The following HSPBAP1 variants were observed in gnomAD, a reference collection of about 807,000 sequenced individuals.
HSPBAP1 encodes HSPB1-associated protein 1.
Under a neutral mutation model 45.2 loss-of-function variants are expected in HSPBAP1, and 27 were observed. That is an observed-to-expected ratio of 0.60 (90% CI 0.44 to 0.82). The LOEUF (loss-of-function observed/expected upper bound fraction) is 0.82. Ranked by LOEUF, HSPBAP1 falls within the 40% of genes least tolerant of loss-of-function variation. HSPBAP1 has a pLI of 0.00. For missense variants in HSPBAP1, 510 were observed against 590.9 expected, an observed-to-expected ratio of 0.86 and a Z score of 1.42; for synonymous variants, 204 against 202.7, an observed-to-expected ratio of 1.01 and a Z score of -0.06.
chr3:122,793,367 C>T (rs1260713672), intron 1 of HSPBAP1, among the ~76,000 whole-genome samples: 1 of 152,144 alleles, frequency 6.6e-6, no homozygotes, highest in Admixed American at 6.5e-5. Context: ...AAATATAAAA[C>T]AAAACAAAAC....
chr3:122,770,723 A>C (rs1283701241), intron 2 of HSPBAP1, among the ~76,000 whole-genome samples: 1 of 152,114 alleles, frequency 6.6e-6, no homozygotes, highest in African/African-American at 2.4e-5. Context: ...AACAAAAAAC[A>C]ACCAAAAAAT....
chr3:122,781,102 C>T (rs550772986), intron 1 of HSPBAP1, among the ~76,000 whole-genome samples: 2,725 of 151,112 alleles, frequency 0.018, 28 homozygotes, highest in Middle Eastern at 0.086. Context: ...CTCCTCACAT[C>T]CCAGACGATG....
At chr3:122,788,588 C>T (rs998167119) in intron 1 of HSPBAP1, among the ~76,000 whole-genome samples, 1 of 152,162 alleles carries the variant, frequency 6.6e-6, no homozygotes, top group East Asian at 1.9e-4. Flanking sequence ...AATGCTTACA[C>T]GTGCAATGGA....
intron 5 of HSPBAP1, chr3:122,752,894 A>G (rs1213694502): frequency 1.6e-6 from 2 of 1,289,724 alleles, no homozygotes; most frequent in Admixed American, 3.8e-5. Flanking sequence ...GGATACTGCC[A>G]GCATCTCTAT....
At chr3:122,790,254 T>C (rs1935783367) in intron 1 of HSPBAP1, among the ~76,000 whole-genome samples, 1 of 152,180 alleles carries the variant, frequency 6.6e-6, no homozygotes, top group Non-Finnish European at 1.5e-5. Flanking sequence ...AAACCCATGA[T>C]TTCCCTCTTC....
intron 6 of HSPBAP1, among the ~76,000 whole-genome samples, chr3:122,752,271 C>A (rs1008264728): frequency 3.3e-5 from 5 of 152,106 alleles, no homozygotes; most frequent in Admixed American, 2.0e-4. Context: ...CAACAAGGGA[C>A]ACATATCGGC....
chr3:122,766,972 T>C (rs1028615992), intron 3 of HSPBAP1, among the ~76,000 whole-genome samples: 1 of 152,222 alleles, frequency 6.6e-6, no homozygotes, highest in Non-Finnish European at 1.5e-5. Context: ...AGTAAAGTAC[T>C]AGTCTAATTT....
intron 2 of HSPBAP1, among the ~76,000 whole-genome samples, chr3:122,775,803 C>CA (rs1185627592): frequency 2.0e-5 from 3 of 152,100 alleles, no homozygotes; most frequent in Non-Finnish European, 4.4e-5. Context: ...CATGTCCACA[C>CA]AAAAACATGT....
At chr3:122,776,025 T>C (rs1347794421) in intron 2 of HSPBAP1, among the ~76,000 whole-genome samples, 1 of 152,204 alleles carries the variant, frequency 6.6e-6, no homozygotes, top group Admixed American at 6.5e-5. Context: ...GGGCCAATAG[T>C]GAATGATTCC....
intron 3 of HSPBAP1, among the ~76,000 whole-genome samples, chr3:122,767,282 T>TA (rs1934816346): frequency 6.6e-6 from 1 of 152,240 alleles, no homozygotes. Flanking sequence ...CTCACGCCTG[T>TA]AATCCCAGCA....
chr3:122,741,001 A>G lies in HSPBAP1; in HGVS notation c.936+2T>C, dbSNP rs775033198. Reference sequence around the variant, plus strand: ...CCATGATGAAGACCAGAAGCCGCCTACCTCAGTGGGGTTTAACCAGGCTCT... The same window carrying G: ...CCATGATGAAGACCAGAAGCCGCCTGCCTCAGTGGGGTTTAACCAGGCTCT... On this transcript the variant is annotated splice_donor_variant, in intron 7 of 7. Transcript: ENST00000306103. LOFTEE classifies it high-confidence loss of function. 6 of 1,613,138 alleles carry G rather than the reference A, an allele frequency of 3.7e-6. No homozygotes were observed. The Admixed American group carries it at 5.0e-5, about 13-fold the overall frequency.
chr3:122,749,898 C>T (rs1934064657), intron 6 of HSPBAP1, among the ~76,000 whole-genome samples: 1 of 151,900 alleles, frequency 6.6e-6, no homozygotes, highest in Non-Finnish European at 1.5e-5. Flanking sequence ...GTGTGAGCCA[C>T]TGCACCCGGC....
intron 2 of HSPBAP1, among the ~76,000 whole-genome samples, chr3:122,770,700 CAAAAA>C (rs1026099879): frequency 2.0e-5 from 3 of 151,440 alleles, no homozygotes; most frequent in Non-Finnish European, 2.9e-5. Flanking sequence ...GATCCTGTCT[CAAAAA>C]AACAAAAAAC....
At chr3:122,779,523 T>TATTTA (rs1553756437) in intron 1 of HSPBAP1, among the ~76,000 whole-genome samples, 9 of 135,592 alleles carry the variant, frequency 6.6e-5, no homozygotes, top group Non-Finnish European at 8.4e-5. Context: ...TTTATTTATT[T>TATTTA]TTTATTGATC....
chr3:122,740,306 T>C lies in HSPBAP1; in HGVS notation c.*39A>G, dbSNP rs1933611512. The C allele has an allele frequency of 1.5e-6, 2 of 1,304,386 alleles. No individual in the cohort carries two copies. The highest frequency in any genetic ancestry group is 2.0e-6 in the Non-Finnish European group (2 of 975,646). The allele number at this position is 1,304,386 out of a possible 1,614,324, so 80.8% of individuals were successfully genotyped here. A position where few individuals can be genotyped will look rare whatever the true frequency, so the allele number is the denominator to read the frequency against. Reference sequence around the variant, plus strand: ...TAGTCATACTACTTAAAAATATATATTTAAAAAATATTATTTTAAAAGTCA... The same window carrying C: ...TAGTCATACTACTTAAAAATATATACTTAAAAAATATTATTTTAAAAGTCA... On this transcript the variant is annotated 3_prime_UTR_variant, in exon 8 of 8. Coordinates refer to ENST00000306103, the MANE Select transcript of HSPBAP1 (RefSeq NM_024610.6).
At chr3:122,760,653 G>A (rs1017209741) in intron 3 of HSPBAP1, among the ~76,000 whole-genome samples, 10 of 151,956 alleles carry the variant, frequency 6.6e-5, no homozygotes, top group African/African-American at 2.4e-4. Context: ...CACTGTAAAT[G>A]CACATGGCTC....
intron 1 of HSPBAP1, among the ~76,000 whole-genome samples, chr3:122,779,859 G>T (rs930874740): frequency 9.2e-5 from 14 of 152,158 alleles, no homozygotes; most frequent in Middle Eastern, 3.4e-3. Context: ...CAAGGCAGAA[G>T]AATTTTTCTT....
At chr3:122,761,618 T>TTTG (rs1934586008) in intron 3 of HSPBAP1, 10 of 149,860 alleles carry the variant, frequency 6.7e-5, no homozygotes, top group Admixed American at 6.0e-4. Context: ...CAAAAAGGTT[T>TTTG]TTTTTTTTTT....
intron 3 of HSPBAP1, among the ~76,000 whole-genome samples, chr3:122,764,967 T>C (rs1187473316): frequency 6.6e-6 from 1 of 152,186 alleles, no homozygotes; most frequent in Admixed American, 6.5e-5. Flanking sequence ...ATACAGTAGA[T>C]GGAAGATTAG....
Sources: allele counts gnomAD v4.1 joint callset (sites outside exome capture counted in the v4.1 genomes callset), GRCh38; gene constraint gnomAD v4.1.1; transcripts MANE v1.5; gene names NCBI Gene and HGNC (gene_info 2026-07-23, HGNC 2026-07-21).